Variants in ADAMTS6 observed in about 807,000 individuals in gnomAD.
ADAMTS6 encodes A disintegrin and metalloproteinase with thrombospondin motifs 6.
In ADAMTS6, 23 loss-of-function variants were observed where a neutral mutation model predicts 144.3. The ratio of observed to expected loss-of-function variants is 0.16; its 90% CI spans 0.11 to 0.23. The LOEUF is 0.23. Among genes scored for constraint, ADAMTS6 ranks in the 10% least tolerant of loss-of-function variants. The pLI is 1.00. For synonymous variants in ADAMTS6, 444 were observed against 457.5 expected (o/e 0.97, Z 0.38); for missense variants, 999 against 1,379.6 (o/e 0.72, Z 4.37).
Position 65,470,690 on chromosome 5 carries a change from A to AT in ADAMTS6, c.462+87dup, listed in dbSNP as rs200263182. 2,473 of 1,008,506 alleles carry AT rather than the reference A, an allele frequency of 2.5e-3. 1 individual carries two copies. The highest frequency in any genetic ancestry group is 3.1e-3 in the South Asian group (140 of 45,828). 62.5% of individuals were successfully genotyped at this position (1,008,506 alleles called of 1,614,324 possible). A position where few individuals can be genotyped will look rare whatever the true frequency, so the allele number is the denominator to read the frequency against. On this transcript the variant is annotated intron_variant, in intron 3 of 24. Coordinates refer to ENST00000381055, the MANE Select transcript of ADAMTS6 (RefSeq NM_197941.4). ...CTACTTAAACTACCTATATATATAT[A>AT]TATTTTTTTTTTAATCTGAGGAAAG...
At chr5:65,182,939 A>G (rs968386722) in intron 22 of ADAMTS6, among the ~76,000 whole-genome samples, 8 of 152,236 alleles carry the variant, frequency 5.3e-5, no homozygotes, top group Non-Finnish European at 1.0e-4. Context: ...CTCAGTGAAT[A>G]CACTACACCT....
Position 65,300,117 on chromosome 5 carries a change from T to C in ADAMTS6, c.1238A>G (p.His413Arg). The C allele has an allele frequency of 6.2e-7, 1 of 1,614,084 alleles. No homozygotes were observed. Among genetic ancestry groups the C allele is most frequent in the Non-Finnish European group, 8.5e-7 (1 of 1,179,986 alleles). Residue 413 changes from histidine (H) to arginine (R), a missense_variant, in exon 10 of 25, where the codon CAT (histidine) becomes CGT (arginine). His to Arg is a conservative substitution (Grantham distance 29). Coordinates refer to ENST00000381055, the MANE Select transcript of ADAMTS6 (RefSeq NM_197941.4). ...HEIGHNFGMN[H>R]DGIGNSCGTK... The stretch of plus-strand genomic sequence containing the variant: ...CCCACAAGAATTTCCAATTCCATCA[T>C]GGTTCATACCAAAACTGTTTTAATG...
intron 12 of ADAMTS6, 130 bp from the exon 13 acceptor site, chr5:65,263,092 G>GAGAAC: frequency 8.6e-7 from 1 of 1,158,170 alleles, no homozygotes; most frequent in Non-Finnish European, 1.2e-6. Context: ...CAGACAGATA[G>GAGAAC]TTCTCTAACT....
intron 24 of ADAMTS6, among the ~76,000 whole-genome samples, chr5:65,158,307 C>G (rs1482511116): frequency 5.9e-5 from 9 of 152,180 alleles, no homozygotes; most frequent in Admixed American, 5.9e-4. Flanking sequence ...GCTGCCTAAG[C>G]TTTCCCAGAG....
At chr5:65,402,457 CT>C (rs1754003747) in intron 7 of ADAMTS6, among the ~76,000 whole-genome samples, 1 of 152,084 alleles carries the variant, frequency 6.6e-6, no homozygotes, top group South Asian at 2.1e-4. Flanking sequence ...GGACTTTCTC[CT>C]ACTTTCATCA....
chr5:65,152,379 C>T (rs541789586), intron 24 of ADAMTS6, among the ~76,000 whole-genome samples: 1 of 152,218 alleles, frequency 6.6e-6, no homozygotes, highest in African/African-American at 2.4e-5. Flanking sequence ...TGTTTGATAC[C>T]AAAGTACACG....
chr5:65,392,980 T>C (rs1753050333), intron 7 of ADAMTS6, among the ~76,000 whole-genome samples: 1 of 152,188 alleles, frequency 6.6e-6, no homozygotes, highest in African/African-American at 2.4e-5. Flanking sequence ...TTTCTCAACA[T>C]TTGAAGTTAG....
intron 14 of ADAMTS6, among the ~76,000 whole-genome samples, chr5:65,255,201 T>C (rs2112563191): frequency 6.6e-6 from 1 of 152,326 alleles, no homozygotes; most frequent in East Asian, 1.9e-4. Flanking sequence ...ATTCCTTTTG[T>C]CAATGGCTGC....
Position 65,297,083 on chromosome 5 carries a change from C to T in ADAMTS6, c.1370+2902G>A, listed in dbSNP as rs921505863. On this transcript the variant is annotated intron_variant, in intron 10 of 24. Coordinates refer to ENST00000381055, the MANE Select transcript of ADAMTS6 (RefSeq NM_197941.4). ...TCTAAATAAATAAATAAATCAGTCC[C>T]GCAGGCAGATAGGAAAGACACTACC... 10 of 400,878 alleles carry T rather than the reference C, an allele frequency of 2.5e-5. No individual in the cohort carries two copies. In the East Asian group the frequency reaches 7.2e-4, roughly 29 times the overall value. The allele number at this position is 400,878 out of a possible 1,614,324, so 24.8% of individuals were successfully genotyped here. A position where few individuals can be genotyped will look rare whatever the true frequency, so the allele number is the denominator to read the frequency against.
At chr5:65,335,093 T>A (rs1747176146) in intron 7 of ADAMTS6, among the ~76,000 whole-genome samples, 1 of 152,074 alleles carries the variant, frequency 6.6e-6, no homozygotes, top group African/African-American at 2.4e-5. Flanking sequence ...TAGCAAATAA[T>A]CCCATTCTTA....
chr5:65,408,395 A>AG, intron 7 of ADAMTS6, among the ~76,000 whole-genome samples: 1 of 152,332 alleles, frequency 6.6e-6, no homozygotes, highest in Admixed American at 6.5e-5. Flanking sequence ...ATCAAAAGAG[A>AG]CAAAGAAGGC....
rs944920183 is a variant in ADAMTS6, at chr5:65,460,289, T to C, written c.512A>G (p.Lys171Arg). The C allele has an allele frequency of 5.6e-6, 9 of 1,613,786 alleles. No individual in the cohort carries two copies. The highest frequency in any genetic ancestry group is 5.9e-6 in the Non-Finnish European group (7 of 1,179,882). The change falls in exon 4 of 25, where the codon AAG becomes AGG. Residue 171 changes from lysine to arginine, a missense_variant. This residue lies in a region of ADAMTS6 where 252 missense variants were observed against 293.7 expected (regional missense o/e 0.86). Coordinates refer to ENST00000381055, the MANE Select transcript of ADAMTS6 (RefSeq NM_197941.4). ...EDEEYFIEPL[K>R]NTTEDSKHFS... is the part of the protein sequence containing the mutation. ...ATGCTTGGAATCCTCTGTGGTATTC[T>C]TTAAAGGTTCGATAAAATACTCTTC...
intron 7 of ADAMTS6, among the ~76,000 whole-genome samples, chr5:65,346,317 A>G (rs1164614661): frequency 6.6e-6 from 1 of 151,884 alleles, no homozygotes; most frequent in Admixed American, 6.6e-5. Context: ...GAGATGCAGG[A>G]TGGTTCAACA....
chr5:65,171,216 A>G (rs1355263489), intron 23 of ADAMTS6, among the ~76,000 whole-genome samples: 2 of 151,856 alleles, frequency 1.3e-5, no homozygotes, highest in African/African-American at 2.4e-5. Flanking sequence ...TCACCATCTT[A>G]GCCAGCATGG....
At chr5:65,449,244 A>T (rs1011918941) in intron 7 of ADAMTS6, among the ~76,000 whole-genome samples, 5 of 152,330 alleles carry the variant, frequency 3.3e-5, no homozygotes, top group African/African-American at 1.2e-4. Flanking sequence ...ATATGATATG[A>T]ACTCTTCGAA....
At chr5:65,334,489 A>G (rs1747120740) in intron 7 of ADAMTS6, among the ~76,000 whole-genome samples, 2 of 152,168 alleles carry the variant, frequency 1.3e-5, no homozygotes, top group Admixed American at 1.3e-4. Context: ...ACAGACACAG[A>G]CTGCATTTTA....
rs1232082279 is a variant in ADAMTS6, at chr5:65,400,051, C to T, written c.1073+51424G>A. Among the ~76,000 whole-genome samples the T allele has an allele frequency of 3.3e-5, 5 of 152,066 alleles. No individual in the cohort carries two copies. The South Asian group carries it at 1.0e-3, about 32-fold the overall frequency. ...AGAATTCTAAGTTGGTGTTCTTTTC[C>T]TCAAACCTTTAAATGTTTCACTCCT... On this transcript the variant is annotated intron_variant, in intron 7 of 24. Coordinates refer to ENST00000381055, the MANE Select transcript of ADAMTS6 (RefSeq NM_197941.4).
chr5:65,446,125 C>T (rs2150240383), intron 7 of ADAMTS6, among the ~76,000 whole-genome samples: 2 of 152,244 alleles, frequency 1.3e-5, no homozygotes, highest in South Asian at 4.2e-4. Context: ...AGGTAACTGG[C>T]ATTTCTTTAA....
intron 7 of ADAMTS6, among the ~76,000 whole-genome samples, chr5:65,419,867 T>C (rs1238974222): frequency 6.6e-6 from 1 of 152,172 alleles, no homozygotes; most frequent in Non-Finnish European, 1.5e-5. Flanking sequence ...GGGCACAAGG[T>C]TTCTTTTTGG....
Sources: allele counts gnomAD v4.1 joint callset (sites outside exome capture counted in the v4.1 genomes callset), GRCh38; gene constraint gnomAD v4.1.1; regional missense constraint gnomAD v4.1.1; transcripts MANE v1.5; gene names NCBI Gene and HGNC (gene_info 2026-07-23, HGNC 2026-07-21).